AKR1C3: variants seen among roughly 807,000 people sequenced by gnomAD.
The protein encoded by AKR1C3 is 3-alpha hydroxysteroid dehydrogenase, type II.
A neutral mutation model predicts 43.6 loss-of-function variants in AKR1C3; 48 were observed. That is an observed-to-expected ratio of 1.10 (90% CI 0.87 to 1.40). AKR1C3 has a LOEUF of 1.40. AKR1C3 is among the 40% of genes most tolerant of loss of function. The pLI is 0.00. For synonymous variants in AKR1C3, 162 were observed against 139.6 expected (o/e 1.16, Z -1.13); for missense variants, 482 against 391.2 (o/e 1.23, Z -1.96).
At chr10:5,098,946 A>G in intron 4 of AKR1C3, 67 bp downstream of exon 4, 1 of 1,284,254 alleles carries the variant, frequency 7.8e-7, no homozygotes, top group Non-Finnish European at 1.1e-6. Flanking sequence ...CCCAGGTTCA[A>G]TAGGAAAGAA....
At chr10:5,098,256 A>G (rs1054608746) in intron 3 of AKR1C3, 3 of 923,128 alleles carry the variant, frequency 3.2e-6, no homozygotes, top group Non-Finnish European at 3.9e-6. Flanking sequence ...AAACTCCAAC[A>G]CTTTTTTTTA....
chr10:5,094,285 C>T (rs1029295842), upstream of AKR1C3: 1 of 595,290 alleles, frequency 1.7e-6, no homozygotes, highest in Non-Finnish European at 2.8e-6. Flanking sequence ...CAATTTTCTC[C>T]ACAGACCATA....
chr10:5,089,549 CTG>C (rs1182896121), upstream of AKR1C3, among the ~76,000 whole-genome samples: 1 of 152,004 alleles, frequency 6.6e-6, no homozygotes, highest in African/African-American at 2.4e-5. Flanking sequence ...AAGATTTAAA[CTG>C]TATTTTAAAA....
chr10:5,068,186 G>T (rs1554780963), intron 1 of AKR1C3, among the ~76,000 whole-genome samples: 1 of 152,068 alleles, frequency 6.6e-6, no homozygotes, highest in African/African-American at 2.4e-5. Flanking sequence ...CATAATTATA[G>T]TTGATGGCAT....
At chr10:5,086,497 T>C in intron 1 of AKR1C3, among the ~76,000 whole-genome samples, 1 of 151,912 alleles carries the variant, frequency 6.6e-6, no homozygotes, top group African/African-American at 2.4e-5. Flanking sequence ...TACTTCTAAC[T>C]ATGTGGTCAA....
chr10:5,092,417 C>T (rs1279516862), upstream of AKR1C3, among the ~76,000 whole-genome samples: 1 of 151,464 alleles, frequency 6.6e-6, no homozygotes, highest in Non-Finnish European at 1.5e-5. Context: ...GAATCCAATG[C>T]TGTGTATACT....
At chr10:5,081,841 C>T (rs1243360768) in intron 1 of AKR1C3, 2 of 152,214 alleles carry the variant, frequency 1.3e-5, no homozygotes, top group African/African-American at 4.8e-5. Flanking sequence ...GATCACTCAT[C>T]AGGAGCCCTC....
rs993172850 is a variant in AKR1C3 at position 5,100,593 on chromosome 10, C to T, written c.570+1144C>T. ...ACAAAAAAATTCAAAATTAAAGTCA[C>T]TCTACCTTTTTGCTAATTTACACTT... is the stretch of plus-strand genomic sequence containing the variant. On this transcript the variant is annotated intron_variant, in intron 5 of 8. Transcript: ENST00000380554. 3.2e-4 allele frequency among the ~76,000 whole-genome samples: 49 copies of T among 152,158 alleles called. 1 individual carries two copies. Among genetic ancestry groups the T allele is most frequent in the Non-Finnish European group, 8.8e-5 (6 of 68,014 alleles).
chr10:5,086,494 A>T (rs1349248858), intron 1 of AKR1C3, among the ~76,000 whole-genome samples: 6 of 151,688 alleles, frequency 4.0e-5, no homozygotes, highest in Non-Finnish European at 4.4e-5. Context: ...CTTTACTTCT[A>T]ACTATGTGGT....
chr10:5,098,941 G>GC, intron 4 of AKR1C3, 62 bp downstream of exon 4: 1 of 1,379,122 alleles, frequency 7.3e-7, no homozygotes, highest in South Asian at 1.2e-5. Flanking sequence ...TGTTTCCCAG[G>GC]TTCAATAGGA....
Position 5,096,870 on chromosome 10 carries a change from G to T in AKR1C3, c.252+293G>T, listed in dbSNP as rs1839219099. 2.0e-5 allele frequency among the ~76,000 whole-genome samples: 3 copies of T among 152,152 alleles called. No homozygotes were observed. In the South Asian group the frequency reaches 6.2e-4, roughly 32 times the overall value. On this transcript the variant is annotated intron_variant, in intron 2 of 8. Transcript: ENST00000380554. ...CACAGAGAACAATAATCATGTTATG[G>T]TTTTTCTTATCGCCTGGGTGATTTT... is the stretch of plus-strand genomic sequence containing the variant.
chr10:5,089,198 G>A (rs1212802287), intron 1 of AKR1C3, among the ~76,000 whole-genome samples: 4 of 151,918 alleles, frequency 2.6e-5, no homozygotes, highest in Admixed American at 2.6e-4. Context: ...ATTGACCTTG[G>A]GTGGTCTGGT....
chr10:5,048,816 A>T (rs1554778629), exon 1 of AKR1C3: 1 of 1,613,678 alleles, frequency 6.2e-7, no homozygotes, highest in South Asian at 1.1e-5. Flanking sequence ...ACAGTGATGG[A>T]TTCAAAACAT....
chr10:5,054,947 C>T (rs1554779398), intron 1 of AKR1C3, among the ~76,000 whole-genome samples: 1 of 152,240 alleles, frequency 6.6e-6, no homozygotes, highest in African/African-American at 2.4e-5. Flanking sequence ...CTATAATTTC[C>T]TTATGGTATT....
chr10:5,077,955 C>A, intron 1 of AKR1C3: 1 of 673,586 alleles, frequency 1.5e-6, no homozygotes, highest in South Asian at 1.6e-5. Context: ...AACAACTGTT[C>A]AAGAAGGATG....
intron 1 of AKR1C3, among the ~76,000 whole-genome samples, chr10:5,078,196 G>T (rs1374639693): frequency 1.3e-5 from 2 of 152,210 alleles, no homozygotes; most frequent in African/African-American, 4.8e-5. Context: ...GGCTGATGCG[G>T]GTGGATCACT....
chr10:5,096,921 T>C (rs1839220435), intron 2 of AKR1C3, among the ~76,000 whole-genome samples: 1 of 152,192 alleles, frequency 6.6e-6, no homozygotes, highest in Non-Finnish European at 1.5e-5. Flanking sequence ...ATTCTCTCAA[T>C]TGCTATCTTT....
chr10:5,077,553 T>G (rs782393154), intron 1 of AKR1C3: 17 of 515,140 alleles, frequency 3.3e-5, no homozygotes, highest in Non-Finnish European at 4.3e-5. Flanking sequence ...AAATGCAAGG[T>G]TTGTCTTTTG....
rs201680078 is a variant in AKR1C3, at chr10:5,097,517, C to A, written c.336C>A (p.Asp112Glu). ...AGAAAGCTCAATTGGACTATGTTGACCTCTATCTTATTCATTCTCCAATGT... is the reference window on the plus strand; with the variant it reads ...AGAAAGCTCAATTGGACTATGTTGAACTCTATCTTATTCATTCTCCAATGT... ...SLKKAQLDYV[D>E]LYLIHSPMSL... Residue 112 changes from aspartate (D) to glutamate (E), a missense_variant, in exon 3 of 9, where the codon GAC (aspartate) becomes GAA (glutamate). By Grantham distance (45) the Asp-to-Glu change is conservative. Transcript: ENST00000380554. 2 of 1,613,768 alleles carry A rather than the reference C, an allele frequency of 1.2e-6. No homozygotes were observed. Among genetic ancestry groups the A allele is most frequent in the South Asian group, 1.1e-5 (1 of 91,078 alleles).
Sources: allele counts gnomAD v4.1 joint callset (sites outside exome capture counted in the v4.1 genomes callset), GRCh38; gene constraint gnomAD v4.1.1; transcripts MANE v1.5; gene names NCBI Gene and HGNC (gene_info 2026-07-23, HGNC 2026-07-21).